The following TKFC variants were observed in gnomAD, a reference collection of about 807,000 sequenced individuals.
The protein encoded by TKFC is triokinase/FMN cyclase.
In TKFC, 46 loss-of-function variants were observed where a neutral mutation model predicts 61.0. The observed-to-expected ratio is 0.75, with a 90% CI of 0.60 to 0.96. The LOEUF (loss-of-function observed/expected upper bound fraction) is 0.96. Ranked by LOEUF, TKFC falls within the 50% of genes least tolerant of loss-of-function variation. The pLI is 0.00. For synonymous variants in TKFC, 314 were observed against 330.1 expected, an observed-to-expected ratio of 0.95 and a Z score of 0.53; for missense variants, 715 against 777.5, an observed-to-expected ratio of 0.92 and a Z score of 0.96.
chr11:61,350,731 C>G, downstream of TKFC: 1 of 599,844 alleles, frequency 1.7e-6, no homozygotes, highest in South Asian at 2.3e-5. Context: ...TAAGGCCACA[C>G]TTCACCCCAC....
chr11:61,334,724 A>T lies in TKFC; in HGVS notation c.-5A>T. On this transcript the variant is annotated 5_prime_UTR_variant, in exon 2 of 18. Coordinates refer to ENST00000394900, the MANE Select transcript of TKFC (RefSeq NM_015533.4). ...GAACTCAGCCTGTTTCAGAGCCTCC[A>T]CACCATGGTGAGTCATACAGGGCCG... 6.2e-7 allele frequency: 1 copy of T among 1,614,042 alleles called. No individual in the cohort carries two copies. Among genetic ancestry groups the T allele is most frequent in the Non-Finnish European group, 8.5e-7 (1 of 1,179,982 alleles).
At chr11:61,343,550 G>A in intron 11 of TKFC, 92 bp downstream of exon 11, 1 of 1,192,486 alleles carries the variant, frequency 8.4e-7, no homozygotes, top group Non-Finnish European at 1.2e-6. Context: ...GGCTGACCGT[G>A]ACAATCAGGG....
intron 9 of TKFC, 23 bp downstream of exon 9, chr11:61,342,681 C>A: frequency 6.2e-7 from 1 of 1,613,938 alleles, no homozygotes; most frequent in East Asian, 2.2e-5. Context: ...TCGCCCGCGT[C>A]TCCCAACCCC....
At chr11:61,339,629 TC>T in intron 5 of TKFC, 194 bp downstream of exon 5, 1 of 628,652 alleles carries the variant, frequency 1.6e-6, no homozygotes, top group East Asian at 2.8e-5. Context: ...CCCAGACTCG[TC>T]CCCTTTTCTT....
In TKFC at chr11:61,347,364, A is replaced by T; in HGVS notation, c.*861A>T. On this transcript the variant is annotated 3_prime_UTR_variant, in exon 18 of 18. Transcript: ENST00000394900. ...CAAGACCAGTCTGGGCAACATGGTA[A>T]AACCCTGTCTCTACCAAAAAATACA... is the stretch of plus-strand genomic sequence containing the variant. 2.3e-6 allele frequency: 2 copies of T among 887,468 alleles called. No individual in the cohort carries two copies. Among genetic ancestry groups the T allele is most frequent in the Non-Finnish European group, 2.7e-6 (2 of 740,730 alleles). 55.0% of individuals were successfully genotyped at this position (887,468 alleles called of 1,614,324 possible). A position where few individuals can be genotyped will look rare whatever the true frequency, so the allele number is the denominator to read the frequency against.
chr11:61,353,167 A>T (rs2135113263), downstream of TKFC: 1 of 1,577,116 alleles, frequency 6.3e-7, no homozygotes, highest in Non-Finnish European at 8.6e-7. Context: ...GACACACCCG[A>T]CTGTGCTATG....
intron 11 of TKFC, 110 bp from the exon 12 acceptor site, chr11:61,343,746 C>T: frequency 6.7e-7 from 1 of 1,485,148 alleles, no homozygotes; most frequent in Non-Finnish European, 9.1e-7. Flanking sequence ...CTCCCTTCCT[C>T]CAGGGCTGCT....
chr11:61,338,680 G>A (rs1486866695), intron 3 of TKFC, among the ~76,000 whole-genome samples: 1 of 152,206 alleles, frequency 6.6e-6, no homozygotes, highest in African/African-American at 2.4e-5. Context: ...GCTGTACTGG[G>A]CACTAGGGAT....
chr11:61,345,248 C>G lies in TKFC; in HGVS notation c.1241-12C>G. The G allele has an allele frequency of 6.5e-7, 1 of 1,530,366 alleles. No individual in the cohort carries two copies. The highest frequency in any genetic ancestry group is 1.3e-5 in the South Asian group (1 of 78,932). 94.8% of individuals were successfully genotyped at this position (1,530,366 alleles called of 1,614,324 possible). A position where few individuals can be genotyped will look rare whatever the true frequency, so the allele number is the denominator to read the frequency against. On this transcript the variant is annotated splice_polypyrimidine_tract_variant and intron_variant, in intron 13 of 17. Coordinates refer to ENST00000394900, the MANE Select transcript of TKFC (RefSeq NM_015533.4). ...GATCTCTGAATTCCTCCCCATCTCT[C>G]TCTGCCTGCAGCAATCCAGGAGTGG...
At chr11:61,340,801 A>G (rs1856820799) in intron 5 of TKFC, among the ~76,000 whole-genome samples, 1 of 151,950 alleles carries the variant, frequency 6.6e-6, no homozygotes, top group African/African-American at 2.4e-5. Context: ...CTACCATTCT[A>G]CAGAGGCCCA....
At position 61,347,317 on chromosome 11, in the gene TKFC, G is replaced by A. The variant is rs553157992; in HGVS notation, c.*814G>A. ...AGCACTTTGGGAGGCCAAGGCAGGC[G>A]GATCCCTTACACTCAGGAGTTCAAG... On this transcript the variant is annotated 3_prime_UTR_variant, in exon 18 of 18. Transcript: ENST00000394900. The A allele has an allele frequency of 1.5e-5, 15 of 969,132 alleles. No individual in the cohort carries two copies. Among genetic ancestry groups the A allele is most frequent in the South Asian group, 4.8e-5 (1 of 20,954 alleles). The allele number at this position is 969,132 out of a possible 1,614,324, so 60.0% of individuals were successfully genotyped here.
At chr11:61,353,263 C>G (rs138664987), downstream of TKFC, 26 of 1,249,176 alleles carry the variant, frequency 2.1e-5, no homozygotes, top group East Asian at 5.6e-4. Flanking sequence ...ACCTTCCCAC[C>G]TGGCATTGCC....
Position 61,334,607 on chromosome 11 carries a change from C to A in TKFC, c.-109-13C>A. The stretch of plus-strand genomic sequence containing the variant: ...GTTCCTTCCGCAGCTTGTATCGTTA[C>A]CCACTCCTGCAGGTGCTGCTGCTGC... On this transcript the variant is annotated splice_polypyrimidine_tract_variant and intron_variant, in intron 1 of 17. Transcript: ENST00000394900. 1 of 1,310,286 alleles carries A rather than the reference C, an allele frequency of 7.6e-7. No homozygotes were observed. 81.2% of individuals were successfully genotyped at this position (1,310,286 alleles called of 1,614,324 possible).
chr11:61,338,124 C>G lies in TKFC; in HGVS notation c.187C>G (p.His63Asp). ...TGGGGGCTCTGGCCATGAGCCTGCCCATGCTGGTGAGTATCCTGGGGTGGG... is the reference window on the plus strand; with the variant it reads ...TGGGGGCTCTGGCCATGAGCCTGCCGATGCTGGTGAGTATCCTGGGGTGGG... The part of the protein sequence containing the change: ...SGGGSGHEPA[H>D]AGFIGKGMLT... Residue 63 changes from histidine (H) to aspartate (D), a missense_variant, in exon 3 of 18, where the codon CAT (histidine) becomes GAT (aspartate). His to Asp is a moderately conservative substitution (Grantham distance 81, BLOSUM62 -1). Coordinates refer to ENST00000394900, the MANE Select transcript of TKFC (RefSeq NM_015533.4). 3.1e-6 allele frequency: 5 copies of G among 1,591,096 alleles called. No homozygotes were observed. The highest frequency in any genetic ancestry group is 4.3e-6 in the Non-Finnish European group (5 of 1,173,298).
At chr11:61,345,677 T>C in intron 15 of TKFC, 35 bp from the exon 16 acceptor site, 1 of 1,614,178 alleles carries the variant, frequency 6.2e-7, no homozygotes, top group Non-Finnish European at 8.5e-7. Context: ...CTTGGTTCCC[T>C]ATAGTGAGCC....
chr11:61,336,717 C>A (rs1856621269), intron 2 of TKFC, among the ~76,000 whole-genome samples: 1 of 152,160 alleles, frequency 6.6e-6, no homozygotes, highest in African/African-American at 2.4e-5. Flanking sequence ...CCATTCTGGC[C>A]CCCACGCTAC....
chr11:61,352,119 C>T (rs531493726), downstream of TKFC: 1 of 152,300 alleles, frequency 6.6e-6, no homozygotes, highest in South Asian at 2.1e-4. Flanking sequence ...ATGGCACAGC[C>T]AAGATCGAAA....
At chr11:61,349,885 G>T, downstream of TKFC, 1 of 539,590 alleles carries the variant, frequency 1.9e-6, no homozygotes, top group South Asian at 2.0e-5. Flanking sequence ...TATGGGGGAA[G>T]TGGACGGACA....
At chr11:61,350,975 G>A, downstream of TKFC, 1 of 1,608,304 alleles carries the variant, frequency 6.2e-7, no homozygotes, top group Non-Finnish European at 8.5e-7. Flanking sequence ...CTGGAATGTG[G>A]GACTGGAACC....
Sources: allele counts gnomAD v4.1 joint callset (sites outside exome capture counted in the v4.1 genomes callset), GRCh38; gene constraint gnomAD v4.1.1; transcripts MANE v1.5; gene names NCBI Gene and HGNC (gene_info 2026-07-23, HGNC 2026-07-21).